PALLD: variants seen among roughly 807,000 people sequenced by gnomAD.
PALLD encodes palladin.
Under a neutral mutation model 123.5 loss-of-function variants are expected in PALLD, and 61 were observed. The observed-to-expected ratio is 0.49, with a 90% CI of 0.40 to 0.61. PALLD has a LOEUF of 0.61. Among genes scored for constraint, PALLD ranks in the 20% least tolerant of loss-of-function variants. The probability of loss-of-function intolerance (pLI) is 0.00; values close to 1 mark genes in which losing one functional copy is unlikely to be tolerated. For missense variants in PALLD, 1,273 were observed against 1,377.0 expected (o/e 0.92, Z 1.20); for synonymous variants, 465 against 496.4 (o/e 0.94, Z 0.84).
chr4:168,892,151 T>C (rs1345488661), intron 11 of PALLD, among the ~76,000 whole-genome samples: 1 of 152,242 alleles, frequency 6.6e-6, no homozygotes, highest in African/African-American at 2.4e-5. Context: ...TTTAAAATAC[T>C]CTTTTCTTTT....
intron 2 of PALLD, among the ~76,000 whole-genome samples, chr4:168,562,599 T>C (rs1767974143): frequency 6.6e-6 from 1 of 151,808 alleles, no homozygotes; most frequent in African/African-American, 2.4e-5. Context: ...TCAGGGGAGA[T>C]CTCCCTGAGA....
At chr4:168,877,051 T>TTATAG (rs1347303387) in intron 10 of PALLD, among the ~76,000 whole-genome samples, 1 of 152,236 alleles carries the variant, frequency 6.6e-6, no homozygotes, top group African/African-American at 2.4e-5. Context: ...CACCTACCTG[T>TTATAG]TATAGAAGTC....
intron 2 of PALLD, among the ~76,000 whole-genome samples, chr4:168,554,529 A>G (rs143047200): frequency 2.6e-5 from 4 of 152,254 alleles, no homozygotes; most frequent in African/African-American, 9.6e-5. Context: ...ACAGCAATGC[A>G]TGTTACCTGT....
chr4:168,744,073 GCCAGTAAAGT>G (rs1788620833), intron 10 of PALLD, among the ~76,000 whole-genome samples: 1 of 152,154 alleles, frequency 6.6e-6, no homozygotes, highest in South Asian at 2.1e-4. Flanking sequence ...GATGCTAGAA[GCCAGTAAAGT>G]CCTGTCCTCA....
Position 168,772,808 on chromosome 4 carries a change from A to T in PALLD, c.1964+60885A>T, listed in dbSNP as rs540253307. On this transcript the variant is annotated intron_variant, in intron 10 of 21. Transcript: ENST00000505667. ...GAATAAAAGTATTACTGCAAAGATC[A>T]GTAAGTCCCATGCCAAAAAAAGAAA... Among the ~76,000 whole-genome samples, 34 of 152,304 alleles carry T rather than the reference A, an allele frequency of 2.2e-4. 1 individual carries two copies. Among genetic ancestry groups the T allele is most frequent in the African/African-American group, 7.9e-4 (33 of 41,566 alleles).
At chr4:168,548,512 C>G (rs1183386909) in intron 2 of PALLD, among the ~76,000 whole-genome samples, 2 of 152,090 alleles carry the variant, frequency 1.3e-5, no homozygotes, top group Non-Finnish European at 2.9e-5. Context: ...TAAAGAGATT[C>G]CCCAAGGCTG....
intron 10 of PALLD, among the ~76,000 whole-genome samples, chr4:168,766,695 C>G (rs998301287): frequency 6.6e-6 from 1 of 152,308 alleles, no homozygotes; most frequent in East Asian, 1.9e-4. Flanking sequence ...TTCCACTGAC[C>G]AGCTGAACGA....
At chr4:168,655,241 G>A (rs1444651252) in intron 2 of PALLD, among the ~76,000 whole-genome samples, 2 of 152,194 alleles carry the variant, frequency 1.3e-5, no homozygotes, top group African/African-American at 4.8e-5. Context: ...AAGAACAAGG[G>A]AAAAGCATTC....
chr4:168,585,562 T>C (rs1770727377), intron 2 of PALLD, among the ~76,000 whole-genome samples: 1 of 147,708 alleles, frequency 6.8e-6, no homozygotes, highest in Admixed American at 6.8e-5. Context: ...ACGAAGGCAC[T>C]CTTAGATAGA....
chr4:168,574,377 C>T (rs1471092541), intron 2 of PALLD, among the ~76,000 whole-genome samples: 1 of 152,072 alleles, frequency 6.6e-6, no homozygotes, highest in African/African-American at 2.4e-5. Context: ...ACTATTTAGC[C>T]TCTTGGTTAA....
intron 10 of PALLD, among the ~76,000 whole-genome samples, chr4:168,872,083 A>C (rs899490946): frequency 2.6e-5 from 4 of 152,200 alleles, no homozygotes; most frequent in Admixed American, 2.6e-4. Context: ...CCTATTCTTC[A>C]TGTTACATGA....
intron 2 of PALLD, among the ~76,000 whole-genome samples, chr4:168,519,702 G>C (rs1437051520): frequency 1.3e-5 from 2 of 151,792 alleles, no homozygotes; most frequent in East Asian, 3.9e-4. Flanking sequence ...ACACACTATG[G>C]ACCTGGTTAG....
intron 2 of PALLD, among the ~76,000 whole-genome samples, chr4:168,666,772 G>A (rs1193174537): frequency 6.6e-6 from 1 of 152,132 alleles, no homozygotes. Flanking sequence ...GTGATGGAGA[G>A]ACCAATTAAA....
Position 168,795,886 on chromosome 4 carries a change from TA to T in PALLD, c.1964+83964del, listed in dbSNP as rs200592457. Among the ~76,000 whole-genome samples, 1,198 of 152,142 alleles carry T rather than the reference TA, an allele frequency of 7.9e-3. 31 individuals are homozygous for T. The highest frequency in any genetic ancestry group is 0.052 in the Admixed American group (797 of 15,264). On this transcript the variant is annotated intron_variant, in intron 10 of 21. Transcript: ENST00000505667. ...ACCACATCTGGCTATTTTTTGTACT[TA>T]TTTTTTTTTATGTTTAATGTTTGTG...
rs963878271 is a variant in PALLD, at chr4:168,769,238, G to A, written c.1964+57315G>A. 9.2e-5 allele frequency among the ~76,000 whole-genome samples: 14 copies of A among 152,108 alleles called. 1 individual carries two copies. Among genetic ancestry groups the A allele is most frequent in the South Asian group, 6.2e-4 (3 of 4,830 alleles). ...TGGCTTCTATAAATCAGATTTCCACGCACACAATCCTGGAAGAGTATATCT... is the reference window on the plus strand; with the variant it reads ...TGGCTTCTATAAATCAGATTTCCACACACACAATCCTGGAAGAGTATATCT... On this transcript the variant is annotated intron_variant, in intron 10 of 21. Transcript: ENST00000505667.
chr4:168,839,026 C>T (rs1387627635), intron 10 of PALLD, among the ~76,000 whole-genome samples: 5 of 152,110 alleles, frequency 3.3e-5, no homozygotes, highest in Admixed American at 2.6e-4. Flanking sequence ...GATCATGGCT[C>T]GATGCAGCCC....
intron 2 of PALLD, among the ~76,000 whole-genome samples, chr4:168,666,297 G>T (rs1288719258): frequency 6.6e-6 from 1 of 151,992 alleles, no homozygotes; most frequent in African/African-American, 2.4e-5. Flanking sequence ...TCTTTTTTAT[G>T]GAATGTAGAA....
chr4:168,542,763 T>TATATATATATATATATA (rs58803261), intron 2 of PALLD, among the ~76,000 whole-genome samples: 1 of 110,064 alleles, frequency 9.1e-6, no homozygotes, highest in Non-Finnish European at 1.9e-5. Flanking sequence ...TATATATATA[T>TATATATATATATATATA]GGAGAGAAAG....
intron 2 of PALLD, among the ~76,000 whole-genome samples, chr4:168,516,757 T>A (rs1251765762): frequency 6.6e-6 from 1 of 152,166 alleles, no homozygotes; most frequent in East Asian, 1.9e-4. Flanking sequence ...ATGGAGATAG[T>A]GGAATTGCCA....
Sources: gnomAD v4.1 joint callset for allele counts (sites outside exome capture counted in the v4.1 genomes callset) on GRCh38, gnomAD v4.1.1 for gene constraint, MANE v1.5 for transcripts, NCBI Gene and HGNC (gene_info 2026-07-23, HGNC 2026-07-21) for gene names.